Variants in PLCL1 observed in about 807,000 individuals in gnomAD.
The protein encoded by PLCL1 is phospholipase C like 1 (inactive), also known as inactive phospholipase C-like protein 1.
Under a neutral mutation model 84.4 loss-of-function variants are expected in PLCL1, and 41 were observed. The ratio of observed to expected loss-of-function variants is 0.49; its 90% CI spans 0.38 to 0.63. PLCL1 has a LOEUF of 0.63. Ranked by LOEUF, PLCL1 falls within the 30% of genes least tolerant of loss-of-function variation. The pLI is 0.00. For synonymous variants in PLCL1, 490 were observed against 488.3 expected, an observed-to-expected ratio of 1.00 and a Z score of -0.05; for missense variants, 1,206 against 1,367.8, an observed-to-expected ratio of 0.88 and a Z score of 1.87.
intron 1 of PLCL1, among the ~76,000 whole-genome samples, chr2:198,019,701 A>T (rs1233975314): frequency 1.3e-5 from 2 of 152,232 alleles, no homozygotes; most frequent in African/African-American, 4.8e-5. Context: ...AAGAATGAAA[A>T]GGAAGGAACA....
chr2:197,898,390 C>T (rs547322598), intron 1 of PLCL1, among the ~76,000 whole-genome samples: 22 of 152,240 alleles, frequency 1.4e-4, no homozygotes, highest in Admixed American at 7.8e-4. Flanking sequence ...TGCCAGATCC[C>T]GTTCTTGGGC....
At chr2:197,990,833 T>G (rs1467424094) in intron 1 of PLCL1, among the ~76,000 whole-genome samples, 2 of 152,182 alleles carry the variant, frequency 1.3e-5, no homozygotes, top group Non-Finnish European at 2.9e-5. Context: ...ACTTAAAGTT[T>G]AAGTGGAAAT....
At chr2:198,032,556 A>G (rs1277810971) in intron 1 of PLCL1, among the ~76,000 whole-genome samples, 3 of 152,164 alleles carry the variant, frequency 2.0e-5, no homozygotes, top group Non-Finnish European at 4.4e-5. Context: ...TTATTCATAA[A>G]TTAACATTTT....
intron 1 of PLCL1, among the ~76,000 whole-genome samples, chr2:197,987,628 T>A (rs1408033464): frequency 1.3e-5 from 2 of 152,198 alleles, no homozygotes; most frequent in Non-Finnish European, 2.9e-5. Flanking sequence ...TTACAACTTG[T>A]TTTCCTGAGA....
chr2:197,849,205 C>G (rs569017231), intron 1 of PLCL1, among the ~76,000 whole-genome samples: 88 of 152,120 alleles, frequency 5.8e-4, no homozygotes, highest in African/African-American at 2.1e-3. Flanking sequence ...TTTGCAGTAC[C>G]CTTGGTATTC....
chr2:197,982,032 T>C (rs1690116703), intron 1 of PLCL1, among the ~76,000 whole-genome samples: 1 of 151,922 alleles, frequency 6.6e-6, no homozygotes, highest in Non-Finnish European at 1.5e-5. Flanking sequence ...TAATTATATT[T>C]TATTGCCTTA....
In PLCL1 at chr2:198,147,204, G is replaced by GTGTGTT; in HGVS notation, c.*247_*248insTTGTGT. ...CCCCTGTGTGGATGCCTGTGGAAGAGTGTGTGTGTGTGTGTGTGTGTGTGT... is the reference window on the plus strand; with the variant it reads ...CCCCTGTGTGGATGCCTGTGGAAGAGTGTGTTTGTGTGTGTGTGTGTGTGTGTGTGT... On this transcript the variant is annotated 3_prime_UTR_variant, in exon 6 of 6. Coordinates refer to ENST00000428675, the MANE Select transcript of PLCL1 (RefSeq NM_006226.4). 1 of 95,864 alleles carries GTGTGTT rather than the reference G, an allele frequency of 1.0e-5. No individual in the cohort carries two copies. 5.9% of individuals were successfully genotyped at this position (95,864 alleles called of 1,614,324 possible).
intron 1 of PLCL1, among the ~76,000 whole-genome samples, chr2:197,840,534 G>C (rs1006751565): frequency 1.3e-5 from 2 of 152,044 alleles, no homozygotes; most frequent in African/African-American, 2.4e-5. Context: ...GTGTGTTGTG[G>C]GGAGACTGAG....
At chr2:198,142,533 G>T (rs1399221449) in intron 5 of PLCL1, among the ~76,000 whole-genome samples, 1 of 151,988 alleles carries the variant, frequency 6.6e-6, no homozygotes, top group Non-Finnish European at 1.5e-5. Flanking sequence ...CTTAATGTTT[G>T]TTTTTTAAAT....
intron 1 of PLCL1, among the ~76,000 whole-genome samples, chr2:197,933,475 G>A (rs1688989626): frequency 6.6e-6 from 1 of 152,018 alleles, no homozygotes; most frequent in Non-Finnish European, 1.5e-5. Flanking sequence ...GTGTTAGCTA[G>A]TATGTGTTGT....
intron 5 of PLCL1, among the ~76,000 whole-genome samples, chr2:198,129,903 C>A (rs1347751234): frequency 6.6e-6 from 1 of 152,156 alleles, no homozygotes; most frequent in Non-Finnish European, 1.5e-5. Context: ...CCAATAACCA[C>A]CTTGTCACAA....
intron 1 of PLCL1, among the ~76,000 whole-genome samples, chr2:197,909,617 T>C (rs2105744913): frequency 6.6e-6 from 1 of 152,302 alleles, no homozygotes; most frequent in East Asian, 1.9e-4. Flanking sequence ...AGAGGCTCTT[T>C]GGTTACTCTC....
At chr2:198,140,205 T>C (rs557477732) in intron 5 of PLCL1, among the ~76,000 whole-genome samples, 103 of 152,244 alleles carry the variant, frequency 6.8e-4, no homozygotes, top group African/African-American at 2.3e-3. Context: ...GCAGTGGGTT[T>C]TATTGAGTGA....
intron 1 of PLCL1, among the ~76,000 whole-genome samples, chr2:198,015,280 G>A (rs1368954282): frequency 6.6e-6 from 1 of 152,084 alleles, no homozygotes; most frequent in Non-Finnish European, 1.5e-5. Context: ...GACCCCACAA[G>A]CATAATAAAA....
intron 1 of PLCL1, among the ~76,000 whole-genome samples, chr2:198,027,384 G>T (rs1033177153): frequency 6.6e-6 from 1 of 151,974 alleles, no homozygotes; most frequent in South Asian, 2.1e-4. Context: ...CTGTTCAAAG[G>T]GCACAAAATT....
At chr2:198,074,235 T>G (rs6752454) in intron 1 of PLCL1, among the ~76,000 whole-genome samples, 27,836 of 152,148 alleles carry the variant, frequency 0.18, 2,565 homozygotes, top group East Asian at 0.26. Context: ...TAATGAAAAT[T>G]TATGCTCTGA....
At chr2:198,010,200 G>A (rs1437387773) in intron 1 of PLCL1, among the ~76,000 whole-genome samples, 1 of 151,912 alleles carries the variant, frequency 6.6e-6, no homozygotes, top group African/African-American at 2.4e-5. Context: ...TTGTAGCAAT[G>A]TATCGAATAG....
At chr2:197,830,397 C>T (rs532290193) in intron 1 of PLCL1, among the ~76,000 whole-genome samples, 5 of 151,526 alleles carry the variant, frequency 3.3e-5, no homozygotes, top group Non-Finnish European at 5.9e-5. Flanking sequence ...CTAGCCGAAT[C>T]GATCAAGCAG....
chr2:198,047,731 G>A (rs187666899), intron 1 of PLCL1, among the ~76,000 whole-genome samples: 24 of 152,296 alleles, frequency 1.6e-4, no homozygotes, highest in African/African-American at 5.1e-4. Flanking sequence ...GAACTTATAT[G>A]TGAACATAAA....
Sources: gnomAD v4.1 joint callset for allele counts (sites outside exome capture counted in the v4.1 genomes callset) on GRCh38, gnomAD v4.1.1 for gene constraint, MANE v1.5 for transcripts, NCBI Gene and HGNC (gene_info 2026-07-23, HGNC 2026-07-21) for gene names.